FBN2: variants seen among roughly 807,000 people sequenced by gnomAD.
The protein encoded by FBN2 is fibrillin 2, also known as fibrillin-2.
In FBN2, 105 loss-of-function variants were observed where a neutral mutation model predicts 355.6. That is an observed-to-expected ratio of 0.30 (90% CI 0.25 to 0.35). The LOEUF (loss-of-function observed/expected upper bound fraction) is 0.35. Ranked by LOEUF, FBN2 falls within the 10% of genes least tolerant of loss-of-function variation. FBN2 has a pLI of 1.00. For synonymous variants in FBN2, 1,350 were observed against 1,301.2 expected (o/e 1.04, Z -0.81); for missense variants, 3,280 against 3,758.7 (o/e 0.87, Z 3.33).
At chr5:128,348,085 C>G (rs560829699) in intron 23 of FBN2, among the ~76,000 whole-genome samples, 1 of 152,094 alleles carries the variant, frequency 6.6e-6, no homozygotes, top group Non-Finnish European at 1.5e-5. Context: ...CCACTCCCAG[C>G]CATAATTTTG....
chr5:128,271,465 C>T (rs1199103121), intron 62 of FBN2, among the ~76,000 whole-genome samples: 1 of 152,194 alleles, frequency 6.6e-6, no homozygotes, highest in Non-Finnish European at 1.5e-5. Context: ...CTGAGAGCCA[C>T]GTATTTTATT....
chr5:128,452,911 A>G (rs1246292841), intron 6 of FBN2, among the ~76,000 whole-genome samples: 1 of 152,096 alleles, frequency 6.6e-6, no homozygotes, highest in Non-Finnish European at 1.5e-5. Flanking sequence ...TGGAGTCCCC[A>G]GTGCTTATTA....
At chr5:128,504,906 G>A (rs911012003) in intron 5 of FBN2, among the ~76,000 whole-genome samples, 3 of 152,180 alleles carry the variant, frequency 2.0e-5, no homozygotes, top group Non-Finnish European at 4.4e-5. Flanking sequence ...ACTTAGAATT[G>A]TAATAATCCC....
intron 34 of FBN2, among the ~76,000 whole-genome samples, chr5:128,327,577 T>TC (rs1199841146): frequency 6.6e-6 from 1 of 151,856 alleles, no homozygotes; most frequent in Non-Finnish European, 1.5e-5. Flanking sequence ...TAGGTATTTT[T>TC]TTTTTTTTCA....
intron 6 of FBN2, among the ~76,000 whole-genome samples, chr5:128,449,398 CTGTATAATTATAT>C (rs1561462701): frequency 6.2e-5 from 6 of 96,642 alleles, no homozygotes; most frequent in African/African-American, 3.5e-4. Flanking sequence ...TAATAGTATA[CTGTATAATTATAT>C]AGTATACTAT....
At chr5:128,425,627 G>A (rs1753463664) in intron 7 of FBN2, among the ~76,000 whole-genome samples, 1 of 152,128 alleles carries the variant, frequency 6.6e-6, no homozygotes, top group Non-Finnish European at 1.5e-5. Context: ...TCAGTACTCT[G>A]AGGATGCATC....
intron 8 of FBN2, among the ~76,000 whole-genome samples, chr5:128,397,536 C>T (rs1385833244): frequency 6.6e-6 from 1 of 152,184 alleles, no homozygotes; most frequent in Admixed American, 6.5e-5. Flanking sequence ...GTATTTAACT[C>T]TTCTTCTGTA....
At chr5:128,403,753 T>C (rs1752858020) in intron 8 of FBN2, among the ~76,000 whole-genome samples, 1 of 152,022 alleles carries the variant, frequency 6.6e-6, no homozygotes, top group African/African-American at 2.4e-5. Flanking sequence ...TAAAAAACAG[T>C]TCTTTCCTGG....
chr5:128,510,259 A>G (rs1010689681), intron 5 of FBN2, among the ~76,000 whole-genome samples: 6 of 152,208 alleles, frequency 3.9e-5, no homozygotes, highest in Admixed American at 3.9e-4. Context: ...CAAAAAAAGA[A>G]AAAAGAAAAA....
At chr5:128,332,197 T>G (rs1053932801) in intron 32 of FBN2, among the ~76,000 whole-genome samples, 30 of 152,336 alleles carry the variant, frequency 2.0e-4, no homozygotes, top group African/African-American at 7.0e-4. Context: ...ATATTTTTTG[T>G]AAGTTATCAG....
intron 18 of FBN2, among the ~76,000 whole-genome samples, 175 bp from the exon 19 acceptor site, chr5:128,362,023 G>C (rs1253051794): frequency 6.6e-6 from 1 of 152,054 alleles, no homozygotes; most frequent in Non-Finnish European, 1.5e-5. Context: ...TATTCAAATG[G>C]GATATTCTTA....
At chr5:128,500,276 TAAC>T (rs748922410) in intron 5 of FBN2, among the ~76,000 whole-genome samples, 3 of 150,858 alleles carry the variant, frequency 2.0e-5, no homozygotes, top group Non-Finnish European at 2.9e-5. Flanking sequence ...CAAATGAAAC[TAAC>T]AACACTTTTA....
rs746840435 is a variant in FBN2 at position 128,376,826 on chromosome 5, A to T, written c.1877T>A (p.Met626Lys). ...ATTGATGCACATTCCATTCAAACAC[A>T]TGTTGGTAGTTGTACATTCATCATG... ...VDHDECTTTN[M>K]CLNGMCINED... Residue 626 changes from methionine (M) to lysine (K), a missense_variant, in exon 14 of 65, where the codon ATG (methionine) becomes AAG (lysine). Physicochemically the swap from Met to Lys is moderately conservative, Grantham distance 95 (BLOSUM62 -1). Transcript: ENST00000262464. The T allele has an allele frequency of 6.2e-7, 1 of 1,613,456 alleles. No individual in the cohort carries two copies. Among genetic ancestry groups the T allele is most frequent in the African/African-American group, 1.3e-5 (1 of 74,892 alleles).
intron 62 of FBN2, among the ~76,000 whole-genome samples, chr5:128,266,270 C>A (rs1449191316): frequency 1.3e-5 from 2 of 152,192 alleles, no homozygotes; most frequent in Non-Finnish European, 2.9e-5. Context: ...TACCCAGGCA[C>A]CTGCTGCTTA....
intron 34 of FBN2, among the ~76,000 whole-genome samples, chr5:128,324,810 G>A (rs1316391313): frequency 6.6e-6 from 1 of 151,862 alleles, no homozygotes; most frequent in African/African-American, 2.4e-5. Context: ...TAGTAGAGAT[G>A]GGGTTTTGCC....
chr5:128,380,280 G>T (rs111697084), intron 11 of FBN2, among the ~76,000 whole-genome samples: 2 of 152,006 alleles, frequency 1.3e-5, no homozygotes, highest in African/African-American at 4.8e-5. Flanking sequence ...CCTTCAGTTC[G>T]CAGTGTTGAA....
intron 5 of FBN2, among the ~76,000 whole-genome samples, chr5:128,486,835 T>C (rs13361732): frequency 0.5 from 75,447 of 151,866 alleles, 21,989 homozygotes; most frequent in African/African-American, 0.82. Context: ...TCTCATTGTT[T>C]AATTCCCACC....
chr5:128,470,869 A>AT (rs1246282851), intron 5 of FBN2, among the ~76,000 whole-genome samples: 1 of 152,214 alleles, frequency 6.6e-6, no homozygotes, highest in Non-Finnish European at 1.5e-5. Context: ...AGCTTCCCAC[A>AT]TACTTTAATG....
chr5:128,395,336 A>G, intron 8 of FBN2, 62 bp from the exon 9 acceptor site: 1 of 1,568,684 alleles, frequency 6.4e-7, no homozygotes, highest in Non-Finnish European at 8.8e-7. Context: ...TACAACAATC[A>G]CTGTACATGA....
Sources: allele counts gnomAD v4.1 joint callset (sites outside exome capture counted in the v4.1 genomes callset), GRCh38; gene constraint gnomAD v4.1.1; transcripts MANE v1.5; gene names NCBI Gene and HGNC (gene_info 2026-07-23, HGNC 2026-07-21).